The following TRPS1 variants were observed in gnomAD, a reference collection of about 807,000 sequenced individuals.
TRPS1 encodes the protein zinc finger transcription factor Trps1.
TRPS1 carries 6 observed loss-of-function variants against 101.2 expected under a neutral mutation model. The observed-to-expected ratio is 0.06, with a 90% CI of 0.03 to 0.12. The LOEUF (loss-of-function observed/expected upper bound fraction) is 0.12, where lower values mean the gene tolerates loss of function less well. Ranked by LOEUF, TRPS1 falls within the 10% of genes least tolerant of loss-of-function variation. The probability of loss-of-function intolerance (pLI) is 1.00; values close to 1 mark genes in which losing one functional copy is unlikely to be tolerated. For missense variants in TRPS1, 1,363 were observed against 1,567.0 expected, an observed-to-expected ratio of 0.87 and a Z score of 2.20; for synonymous variants, 578 against 589.8, an observed-to-expected ratio of 0.98 and a Z score of 0.29.
At chr8:115,450,544 C>T (rs1196786304) in intron 5 of TRPS1, among the ~76,000 whole-genome samples, 2 of 151,728 alleles carry the variant, frequency 1.3e-5, no homozygotes, top group African/African-American at 4.8e-5. Context: ...AACTTTTAAC[C>T]CTGAACTGGG....
At chr8:115,474,870 G>T (rs1046492947) in intron 5 of TRPS1, among the ~76,000 whole-genome samples, 1 of 152,032 alleles carries the variant, frequency 6.6e-6, no homozygotes, top group African/African-American at 2.4e-5. Flanking sequence ...TTGCTCACAA[G>T]TTATAAAAGT....
At chr8:115,463,902 TATAAA>T (rs1261247669) in intron 5 of TRPS1, among the ~76,000 whole-genome samples, 4 of 151,640 alleles carry the variant, frequency 2.6e-5, no homozygotes, top group Non-Finnish European at 5.9e-5. Context: ...AAATATATAA[TATAAA>T]ATAACTAATA....
At chr8:115,587,882 G>A (rs552396994) in intron 4 of TRPS1, among the ~76,000 whole-genome samples, 1 of 152,310 alleles carries the variant, frequency 6.6e-6, no homozygotes, top group Non-Finnish European at 1.5e-5. Flanking sequence ...CACGCACGCT[G>A]CTCGTGCTTG....
At chr8:115,668,308 C>A (rs1811978895) in intron 1 of TRPS1, 1 of 175,748 alleles carries the variant, frequency 5.7e-6, no homozygotes, top group Non-Finnish European at 1.2e-5. Flanking sequence ...ACCCGAGAAG[C>A]CTGCGCTTGG....
rs754340524 is a variant in TRPS1, at chr8:115,619,506, T to C, written c.592A>G (p.Lys198Glu). 5.6e-6 allele frequency: 9 copies of C among 1,614,098 alleles called. No homozygotes were observed. The highest frequency in any genetic ancestry group is 4.0e-5 in the African/African-American group (3 of 74,940). The change falls in exon 3 of 7, where the codon AAA becomes GAA. Residue 198 changes from lysine (K) to glutamate (E), a missense_variant. Around this residue, in one of 5 missense-constraint regions of TRPS1, gnomAD observed 1,020 missense variants for 1,073.0 expected, o/e 0.95. Coordinates refer to ENST00000395715, the MANE Select transcript of TRPS1 (RefSeq NM_014112.5). Reference protein sequence around the residue: ...QGLSPVSVASKNPQVPSDGGV... With the variant: ...QGLSPVSVASENPQVPSDGGV... ...CCATCTGAAGGCACTTGTGGGTTTTTTGAGGCCACTGAAACTGGGCTCAAA... is the reference window on the plus strand; with the variant it reads ...CCATCTGAAGGCACTTGTGGGTTTTCTGAGGCCACTGAAACTGGGCTCAAA...
At chr8:115,521,881 T>A (rs568720510) in intron 5 of TRPS1, among the ~76,000 whole-genome samples, 1 of 151,976 alleles carries the variant, frequency 6.6e-6, no homozygotes, top group Non-Finnish European at 1.5e-5. Flanking sequence ...ATATTAAGTA[T>A]ATTCCAAGAT....
chr8:115,425,801 C>T (rs1032180640), intron 5 of TRPS1, among the ~76,000 whole-genome samples: 5 of 152,192 alleles, frequency 3.3e-5, no homozygotes, highest in African/African-American at 7.2e-5. Flanking sequence ...CCTTCTTTAA[C>T]TAACCCCATA....
At chr8:115,631,822 A>G (rs1312879583) in intron 1 of TRPS1, among the ~76,000 whole-genome samples, 1 of 152,164 alleles carries the variant, frequency 6.6e-6, no homozygotes, top group Admixed American at 6.6e-5. Flanking sequence ...CCAAATCACG[A>G]CATCCAAGGA....
intron 5 of TRPS1, among the ~76,000 whole-genome samples, chr8:115,503,873 T>C (rs375465974): frequency 1.3e-5 from 2 of 152,324 alleles, no homozygotes; most frequent in South Asian, 4.1e-4. Context: ...TTGAAAACCA[T>C]GTTATCCCCT....
At chr8:115,630,208 A>C (rs1272904409) in intron 1 of TRPS1, among the ~76,000 whole-genome samples, 2 of 152,004 alleles carry the variant, frequency 1.3e-5, no homozygotes, top group African/African-American at 4.8e-5. Context: ...TATTTTACAC[A>C]TTCACATATG....
chr8:115,468,538 T>A (rs1814383344), intron 5 of TRPS1, among the ~76,000 whole-genome samples: 1 of 152,158 alleles, frequency 6.6e-6, no homozygotes, highest in South Asian at 2.1e-4. Flanking sequence ...GTCTCAAGAA[T>A]TTTCAGGTTA....
chr8:115,445,582 C>T (rs1252233968), intron 5 of TRPS1, among the ~76,000 whole-genome samples: 5 of 152,040 alleles, frequency 3.3e-5, no homozygotes, highest in African/African-American at 4.8e-5. Flanking sequence ...ATCGCAAATT[C>T]GGAGAGGCAG....
intron 5 of TRPS1, among the ~76,000 whole-genome samples, chr8:115,484,174 A>G (rs76429218): frequency 0.015 from 2,272 of 152,262 alleles, 51 homozygotes; most frequent in African/African-American, 0.052. Flanking sequence ...AAAACAAGGC[A>G]TACTACATCC....
chr8:115,578,341 G>A (rs756612652), intron 5 of TRPS1, among the ~76,000 whole-genome samples: 13 of 151,970 alleles, frequency 8.6e-5, no homozygotes, highest in Non-Finnish European at 1.5e-4. Context: ...TGACTTGGAC[G>A]TTAAATACCA....
At chr8:115,438,951 G>A (rs1340237835) in intron 5 of TRPS1, among the ~76,000 whole-genome samples, 1 of 152,140 alleles carries the variant, frequency 6.6e-6, no homozygotes, top group Admixed American at 6.5e-5. Context: ...CATAGATGAC[G>A]AGGACCTTGC....
intron 1 of TRPS1, chr8:115,661,692 G>A (rs1052198581): frequency 1.3e-5 from 2 of 151,278 alleles, no homozygotes; most frequent in Non-Finnish European, 2.9e-5. Flanking sequence ...CGGCAAAATC[G>A]AAACATATTG....
At chr8:115,589,104 G>A (rs1176573546) in intron 4 of TRPS1, among the ~76,000 whole-genome samples, 1 of 152,134 alleles carries the variant, frequency 6.6e-6, no homozygotes, top group African/African-American at 2.4e-5. Context: ...ATGAGGAAGG[G>A]GAAAGGAAGC....
chr8:115,598,797 C>A (rs1296539655), intron 4 of TRPS1, among the ~76,000 whole-genome samples: 1 of 152,148 alleles, frequency 6.6e-6, no homozygotes, highest in Admixed American at 6.6e-5. Flanking sequence ...TTCCTCCTTC[C>A]TCCAGTTTCC....
intron 5 of TRPS1, among the ~76,000 whole-genome samples, chr8:115,452,940 A>T (rs1813914406): frequency 6.6e-6 from 1 of 152,200 alleles, no homozygotes; most frequent in Non-Finnish European, 1.5e-5. Context: ...CTAGGCTAAT[A>T]TCAAACAGAG....
Sources: gnomAD v4.1 joint callset for allele counts (sites outside exome capture counted in the v4.1 genomes callset) on GRCh38, gnomAD v4.1.1 for gene constraint, gnomAD v4.1.1 regional missense constraint, MANE v1.5 for transcripts, NCBI Gene and HGNC (gene_info 2026-07-23, HGNC 2026-07-21) for gene names.